DCAF13: variants seen among roughly 807,000 people sequenced by gnomAD.
The protein encoded by DCAF13 is DDB1- and CUL4-associated factor 13.
DCAF13 carries 38 observed loss-of-function variants against 59.0 expected under a neutral mutation model. That is an observed-to-expected ratio of 0.64 (90% CI 0.50 to 0.84). The LOEUF is 0.84. Among genes scored for constraint, DCAF13 ranks in the 40% least tolerant of loss-of-function variants. The pLI is 0.00. For missense variants in DCAF13, 469 were observed against 558.4 expected (o/e 0.84, Z 1.61); for synonymous variants, 173 against 175.0 (o/e 0.99, Z 0.09).
intron 7 of DCAF13, among the ~76,000 whole-genome samples, chr8:103,434,682 A>G (rs1469143739): frequency 6.6e-6 from 1 of 152,046 alleles, no homozygotes; most frequent in Non-Finnish European, 1.5e-5. Flanking sequence ...AGCATCTTCA[A>G]GTATTTTTAT....
chr8:103,435,497 A>T, intron 7 of DCAF13, 129 bp from the exon 8 acceptor site: 1 of 678,818 alleles, frequency 1.5e-6, no homozygotes, highest in Non-Finnish European at 2.3e-6. Flanking sequence ...CTGCTTGTGT[A>T]CAGCATTGAG....
intron 3 of DCAF13, among the ~76,000 whole-genome samples, chr8:103,423,644 A>G (rs1296791947): frequency 2.0e-5 from 3 of 152,218 alleles, no homozygotes; most frequent in African/African-American, 7.2e-5. Context: ...TGCTCTCTTG[A>G]CAATTGCTAT....
At chr8:103,415,560 G>A (rs746571278) in intron 1 of DCAF13, 44 bp downstream of exon 1, 1 of 1,557,274 alleles carries the variant, frequency 6.4e-7, no homozygotes, top group Non-Finnish European at 8.7e-7. Flanking sequence ...TCCGCAAGTC[G>A]TTGGGTCTAG....
At chr8:103,421,363 G>A (rs889882069) in intron 3 of DCAF13, 4 of 490,610 alleles carry the variant, frequency 8.2e-6, no homozygotes, top group African/African-American at 7.9e-5. Context: ...GATTTTTGAT[G>A]CTAAGATGAG....
chr8:103,441,148 T>C, intron 9 of DCAF13: 1 of 213,984 alleles, frequency 4.7e-6, no homozygotes, highest in East Asian at 1.1e-4. Context: ...GTGATTTAGG[T>C]GCTTTTCTAT....
In DCAF13 at chr8:103,420,369, T is replaced by G. The variant is rs938512752; in HGVS notation, c.176T>G (p.Leu59Arg). The G allele has an allele frequency of 6.2e-7, 1 of 1,614,168 alleles. No homozygotes were observed. Among genetic ancestry groups the G allele is most frequent in the Non-Finnish European group, 8.5e-7 (1 of 1,180,002 alleles). ...KLERVFAKPFLASLDGHRDGV... is the reference protein window; with the variant it reads ...KLERVFAKPFRASLDGHRDGV... Reference sequence around the variant, plus strand: ...GAACGAGTATTTGCAAAACCATTCCTTGCTTCGCTGGATGGTCACCGTGAT... The same window carrying G: ...GAACGAGTATTTGCAAAACCATTCCGTGCTTCGCTGGATGGTCACCGTGAT... Residue 59 changes from leucine to arginine, a missense_variant, in exon 2 of 11, where the codon CTT becomes CGT. Physicochemically the swap from Leu to Arg is moderately radical, Grantham distance 102. Coordinates refer to ENST00000612750, the MANE Select transcript of DCAF13 (RefSeq NM_015420.7).
At chr8:103,418,850 A>ATTTATT (rs1451918664) in intron 1 of DCAF13, among the ~76,000 whole-genome samples, 1 of 17,984 alleles carries the variant, frequency 5.6e-5, no homozygotes, top group Non-Finnish European at 1.0e-4. Context: ...ATATATATAT[A>ATTTATT]TATATATATA....
chr8:103,418,818 G>A (rs1285823094), intron 1 of DCAF13, among the ~76,000 whole-genome samples: 4 of 82,014 alleles, frequency 4.9e-5, no homozygotes, highest in African/African-American at 1.4e-4. Flanking sequence ...TACTTTCTAA[G>A]CATAATTATA....
chr8:103,439,236 C>A (rs542151073), intron 8 of DCAF13, among the ~76,000 whole-genome samples: 2 of 152,198 alleles, frequency 1.3e-5, no homozygotes, highest in South Asian at 4.1e-4. Context: ...CGTGATCCAC[C>A]TACTGCAGCC....
chr8:103,428,396 C>A (rs1052935055), intron 5 of DCAF13: 1 of 152,254 alleles, frequency 6.6e-6, no homozygotes, highest in Non-Finnish European at 1.5e-5. Context: ...TCTGTAGCTG[C>A]TTTCGTGCTA....
At position 103,429,448 on chromosome 8, in the gene DCAF13, C is replaced by T. The variant is rs181708537; in HGVS notation, c.625-1164C>T. 3.3e-5 allele frequency: 5 copies of T among 152,204 alleles called. No homozygotes were observed. The East Asian group carries it at 9.6e-4, about 29-fold the overall frequency. 9.4% of individuals were successfully genotyped at this position (152,204 alleles called of 1,614,324 possible). On this transcript the variant is annotated intron_variant, in intron 5 of 10. Transcript: ENST00000612750. ...GCTCTTCTTGCTGCCCACATACTTG[C>T]AATAGGAAGTAATTGTAGGCAGAAG...
chr8:103,434,173 G>A (rs1261207270), intron 7 of DCAF13, among the ~76,000 whole-genome samples: 2 of 151,788 alleles, frequency 1.3e-5, no homozygotes, highest in Non-Finnish European at 2.9e-5. Context: ...AGATATTCTA[G>A]TCATTCTGAA....
chr8:103,424,548 C>A (rs1194675612), intron 3 of DCAF13, among the ~76,000 whole-genome samples: 1 of 152,226 alleles, frequency 6.6e-6, no homozygotes, highest in African/African-American at 2.4e-5. Flanking sequence ...TAGCCAGGCA[C>A]ATATTCTTGT....
Position 103,442,739 on chromosome 8 carries a change from TTTTC to T in DCAF13, c.1251-52_1251-49del, listed in dbSNP as rs574372984. On this transcript the variant is annotated intron_variant, in intron 10 of 10. Transcript: ENST00000612750. ...AAATGCTTTGATTTTTCTGAGAAAGTTTTCTTTAAGATGAGTTCCCATAACTTGC... is the reference window on the plus strand; with the variant it reads ...AAATGCTTTGATTTTTCTGAGAAAGTTTTAAGATGAGTTCCCATAACTTGC... 168 of 1,211,444 alleles carry T rather than the reference TTTTC, an allele frequency of 1.4e-4. 2 individuals carry two copies. The highest frequency in any genetic ancestry group is 8.9e-4 in the South Asian group (50 of 56,342). 75.0% of individuals were successfully genotyped at this position (1,211,444 alleles called of 1,614,324 possible).
intron 3 of DCAF13, among the ~76,000 whole-genome samples, chr8:103,421,597 C>T (rs73287953): frequency 0.027 from 4,141 of 152,260 alleles, 196 homozygotes; most frequent in African/African-American, 0.093. Context: ...CTCCTCTGTC[C>T]CCTCAGTCCC....
intron 3 of DCAF13, among the ~76,000 whole-genome samples, chr8:103,422,139 G>A (rs1001335528): frequency 3.3e-5 from 5 of 152,190 alleles, no homozygotes; most frequent in African/African-American, 1.2e-4. Flanking sequence ...GGATTGACAG[G>A]TTTGACAACT....
At chr8:103,424,381 A>G (rs979128092) in intron 3 of DCAF13, among the ~76,000 whole-genome samples, 1 of 152,234 alleles carries the variant, frequency 6.6e-6, no homozygotes, top group African/African-American at 2.4e-5. Flanking sequence ...ACATGTGAAG[A>G]CTACTTGCTG....
At chr8:103,417,269 A>G (rs1816634237) in intron 1 of DCAF13, among the ~76,000 whole-genome samples, 1 of 152,170 alleles carries the variant, frequency 6.6e-6, no homozygotes, top group African/African-American at 2.4e-5. Context: ...AATAGTAGCC[A>G]TTAAAACCAA....
At chr8:103,441,730 A>G (rs1171215518) in intron 10 of DCAF13, 112 bp downstream of exon 10, 2 of 1,026,598 alleles carry the variant, frequency 1.9e-6, no homozygotes, top group African/African-American at 3.3e-5. Context: ...ATTATTTAAT[A>G]GTATGTTAGT....
Sources: allele counts gnomAD v4.1 joint callset (sites outside exome capture counted in the v4.1 genomes callset), GRCh38; gene constraint gnomAD v4.1.1; transcripts MANE v1.5; gene names NCBI Gene and HGNC (gene_info 2026-07-23, HGNC 2026-07-21).